Variants in ATRNL1 observed in about 807,000 individuals in gnomAD.
The protein encoded by ATRNL1 is attractin like 1, also known as attractin-like protein 1.
A neutral mutation model predicts 182.7 loss-of-function variants in ATRNL1; 95 were observed. The ratio of observed to expected loss-of-function variants is 0.52; its 90% CI spans 0.44 to 0.62. ATRNL1 has a LOEUF of 0.62. Among genes scored for constraint, ATRNL1 ranks in the 20% least tolerant of loss-of-function variants. ATRNL1 has a pLI of 0.00. For synonymous variants in ATRNL1, 576 were observed against 568.3 expected, an observed-to-expected ratio of 1.01 and a Z score of -0.19; for missense variants, 1,471 against 1,679.5, an observed-to-expected ratio of 0.88 and a Z score of 2.17.
intron 9 of ATRNL1, among the ~76,000 whole-genome samples, chr10:115,230,270 A>C (rs1194930730): frequency 1.3e-5 from 2 of 152,218 alleles, no homozygotes; most frequent in Non-Finnish European, 2.9e-5. Context: ...AAGAGAAAAG[A>C]AAGCATGGAA....
intron 28 of ATRNL1, among the ~76,000 whole-genome samples, chr10:115,866,355 C>G (rs897963097): frequency 6.6e-6 from 1 of 152,128 alleles, no homozygotes; most frequent in South Asian, 2.1e-4. Context: ...ATGGAACTGT[C>G]CAAAAGATAC....
intron 8 of ATRNL1, among the ~76,000 whole-genome samples, chr10:115,175,728 T>C (rs1015451632): frequency 1.5e-4 from 23 of 152,122 alleles, no homozygotes; most frequent in African/African-American, 5.3e-4. Flanking sequence ...AAAATTAATA[T>C]CTTACTTTAC....
At chr10:115,712,867 CAA>C (rs68003846) in intron 26 of ATRNL1, among the ~76,000 whole-genome samples, 22 of 139,994 alleles carry the variant, frequency 1.6e-4, no homozygotes, top group South Asian at 4.5e-4. Flanking sequence ...GACAATGTTT[CAA>C]AAAAAAAAAA....
At chr10:115,725,703 A>G (rs1164895197) in intron 26 of ATRNL1, among the ~76,000 whole-genome samples, 1 of 151,370 alleles carries the variant, frequency 6.6e-6, no homozygotes, top group East Asian at 2.0e-4. Flanking sequence ...GTTTTTACCA[A>G]AGACGAAGAA....
intron 24 of ATRNL1, among the ~76,000 whole-genome samples, chr10:115,509,008 T>C (rs1850255367): frequency 6.6e-6 from 1 of 152,050 alleles, no homozygotes; most frequent in Non-Finnish European, 1.5e-5. Flanking sequence ...CTAATGCATC[T>C]GGTGATTATG....
chr10:115,802,008 TA>T (rs1333154802), intron 27 of ATRNL1, among the ~76,000 whole-genome samples: 29 of 31,034 alleles, frequency 9.3e-4, no homozygotes, highest in Middle Eastern at 0.017. Context: ...AAACTTGCCT[TA>T]AAAAAAAAAG....
intron 26 of ATRNL1, among the ~76,000 whole-genome samples, chr10:115,714,267 C>T (rs1947179657): frequency 6.6e-6 from 1 of 151,828 alleles, no homozygotes; most frequent in Admixed American, 6.6e-5. Context: ...ATCACATGAC[C>T]ATGAAAGGTT....
intron 19 of ATRNL1, among the ~76,000 whole-genome samples, chr10:115,341,006 G>A (rs933063415): frequency 6.7e-6 from 1 of 150,076 alleles, no homozygotes; most frequent in Admixed American, 6.6e-5. Context: ...TTTTTTTATT[G>A]TTTTCTTCAT....
chr10:115,870,299 A>C (rs1555105805), intron 28 of ATRNL1, among the ~76,000 whole-genome samples: 1 of 152,222 alleles, frequency 6.6e-6, no homozygotes, highest in African/African-American at 2.4e-5. Context: ...ATCACAATTG[A>C]CTAGCTATTG....
At chr10:115,898,133 G>T (rs1393239458) in intron 28 of ATRNL1, among the ~76,000 whole-genome samples, 1 of 152,050 alleles carries the variant, frequency 6.6e-6, no homozygotes, top group Non-Finnish European at 1.5e-5. Context: ...CACCATGTTG[G>T]CCAGGATGGT....
At chr10:115,351,705 G>A (rs577507056) in intron 19 of ATRNL1, among the ~76,000 whole-genome samples, 89 of 146,860 alleles carry the variant, frequency 6.1e-4, no homozygotes, top group Admixed American at 1.8e-3. Flanking sequence ...TTTGCATCTT[G>A]TTCATGAGTG....
chr10:115,192,803 CCAGA>C (rs1418983363), intron 8 of ATRNL1, among the ~76,000 whole-genome samples: 2 of 151,776 alleles, frequency 1.3e-5, no homozygotes, highest in African/African-American at 4.8e-5. Flanking sequence ...AAGTTAATTC[CCAGA>C]CATTTTATTT....
chr10:115,529,569 GT>G (rs34602543), intron 25 of ATRNL1, among the ~76,000 whole-genome samples: 27,164 of 151,150 alleles, frequency 0.18, 3,057 homozygotes, highest in Non-Finnish European at 0.26. Context: ...AAGAATTATA[GT>G]TTTTTTTATT....
At chr10:115,886,962 T>C (rs1951959233) in intron 28 of ATRNL1, among the ~76,000 whole-genome samples, 1 of 152,212 alleles carries the variant, frequency 6.6e-6, no homozygotes, top group East Asian at 1.9e-4. Flanking sequence ...TCCCTTTAGT[T>C]TACCCTTCAT....
At chr10:115,552,766 T>G (rs1853072258) in intron 26 of ATRNL1, among the ~76,000 whole-genome samples, 1 of 151,254 alleles carries the variant, frequency 6.6e-6, no homozygotes, top group Non-Finnish European at 1.5e-5. Flanking sequence ...AAGGCTTCAA[T>G]TTTGATATGA....
At chr10:115,515,467 T>C (rs562901433) in intron 24 of ATRNL1, among the ~76,000 whole-genome samples, 1 of 151,926 alleles carries the variant, frequency 6.6e-6, no homozygotes, top group East Asian at 1.9e-4. Flanking sequence ...GTAGTTAAGC[T>C]TGTTTTGGCC....
At position 115,467,253 on chromosome 10, in the gene ATRNL1, G is replaced by A. The variant is rs1242896523; in HGVS notation, c.3496+1G>A. The A allele has an allele frequency of 1.3e-6, 2 of 1,590,946 alleles. No individual in the cohort carries two copies. Among genetic ancestry groups the A allele is most frequent in the African/African-American group, 1.4e-5 (1 of 73,774 alleles). On this transcript the variant is annotated splice_donor_variant, in intron 23 of 28. Transcript: ENST00000355044. LOFTEE classifies it high-confidence loss of function. ...ATTACGTGGTCTGTCGGTTCAACAG[G>A]TAAAAAAATGTTGATGTCATATCTC...
chr10:115,753,088 ATGT>A lies in ATRNL1; in HGVS notation c.3903+25737_3903+25739del, dbSNP rs1402714820. Reference sequence around the variant, plus strand: ...GGAATAATAATACCTGTGTTCAGTGATGTTGTGAACATGAAATGGGATGCACAT... The same window carrying A: ...GGAATAATAATACCTGTGTTCAGTGATGTGAACATGAAATGGGATGCACAT... On this transcript the variant is annotated intron_variant, in intron 27 of 28. Coordinates refer to ENST00000355044, the MANE Select transcript of ATRNL1 (RefSeq NM_207303.4). 2.6e-5 allele frequency among the ~76,000 whole-genome samples: 4 copies of A among 152,164 alleles called. No individual in the cohort carries two copies. In the East Asian group the frequency reaches 7.7e-4, roughly 29 times the overall value.
chr10:115,839,936 A>G (rs150305022), intron 27 of ATRNL1, among the ~76,000 whole-genome samples: 1 of 152,190 alleles, frequency 6.6e-6, no homozygotes, highest in Non-Finnish European at 1.5e-5. Context: ...TGATTTTTCT[A>G]ACTTTCCCAA....
Sources: gnomAD v4.1 joint callset for allele counts (sites outside exome capture counted in the v4.1 genomes callset) on GRCh38, gnomAD v4.1.1 for gene constraint, MANE v1.5 for transcripts, NCBI Gene and HGNC (gene_info 2026-07-23, HGNC 2026-07-21) for gene names.